The following SLC30A8 variants were observed in gnomAD, a reference collection of about 807,000 sequenced individuals.
SLC30A8 encodes the protein solute carrier family 30 member 8, also known as proton-coupled zinc antiporter SLC30A8.
In SLC30A8, 27 loss-of-function variants were observed where a neutral mutation model predicts 36.9. The ratio of observed to expected loss-of-function variants is 0.73; its 90% confidence interval spans 0.54 to 1.01. The LOEUF (loss-of-function observed/expected upper bound fraction) is 1.01, where lower values mean the gene tolerates loss of function less well. Ranked by LOEUF, SLC30A8 falls within the 50% of genes least tolerant of loss-of-function variation. SLC30A8 has a pLI of 0.00. For synonymous variants in SLC30A8, 164 were observed against 172.4 expected, an observed-to-expected ratio of 0.95 and a Z score of 0.38; for missense variants, 439 against 452.0, an observed-to-expected ratio of 0.97 and a Z score of 0.26.
At chr8:117,130,746 T>A (rs1251412910), upstream of SLC30A8, among the ~76,000 whole-genome samples, 1 of 152,008 alleles carries the variant, frequency 6.6e-6, no homozygotes, top group Non-Finnish European at 1.5e-5. Flanking sequence ...GCCATTGTTT[T>A]GGAGTTTGTA....
intron 1 of SLC30A8, among the ~76,000 whole-genome samples, chr8:117,138,516 A>G (rs1821476417): frequency 6.6e-6 from 1 of 151,948 alleles, no homozygotes; most frequent in African/African-American, 2.4e-5. Context: ...GTTAAAGATC[A>G]TAGTTCACCC....
chr8:116,961,760 A>AAG (rs145495135), intron 1 of SLC30A8, among the ~76,000 whole-genome samples: 1 of 151,928 alleles, frequency 6.6e-6, no homozygotes, highest in African/African-American at 2.4e-5. Flanking sequence ...GGAGAAGGGT[A>AAG]AGAGAGAGAG....
rs183088315 is a variant in SLC30A8 at position 117,038,015 on chromosome 8, C to T, written c.-265-1204C>T. On this transcript the variant is annotated intron_variant, in intron 1 of 10. Coordinates refer to the SLC30A8 transcript ENST00000427715. ...AAGTTAGAGAACACGCAGAGGAAAT[C>T]CAAATTAAGTTCTGGCTAGGGTAAT... is the stretch of plus-strand genomic sequence containing the variant. 2.2e-3 allele frequency among the ~76,000 whole-genome samples: 330 copies of T among 152,264 alleles called. 1 individual carries two copies. The highest frequency in any genetic ancestry group is 0.017 in the Middle Eastern group (5 of 294).
chr8:117,060,726 T>C (rs1818002722), intron 2 of SLC30A8, among the ~76,000 whole-genome samples: 1 of 152,202 alleles, frequency 6.6e-6, no homozygotes, highest in South Asian at 2.1e-4. Context: ...TTATCACATA[T>C]GTTTTCTAGC....
At chr8:117,166,766 A>AT (rs71305462) in intron 6 of SLC30A8, among the ~76,000 whole-genome samples, 5,028 of 128,582 alleles carry the variant, frequency 0.039, 169 homozygotes, top group South Asian at 0.075. Context: ...ACATTAGCTG[A>AT]TTTTTTTTTT....
intron 1 of SLC30A8, among the ~76,000 whole-genome samples, chr8:116,989,628 G>T (rs4269571): frequency 0.38 from 57,827 of 152,004 alleles, 12,006 homozygotes; most frequent in South Asian, 0.49. Flanking sequence ...AATCCTGAAA[G>T]AAAAGAAGTA....
rs1045448393 is a variant in SLC30A8, at chr8:117,014,915, G to A, written c.-265-24304G>A. 2.6e-5 allele frequency among the ~76,000 whole-genome samples: 4 copies of A among 152,088 alleles called. No individual in the cohort carries two copies. The East Asian group carries it at 7.7e-4, about 29-fold the overall frequency. ...AAAACCTTCTTCTCTGCTAATATCT[G>A]TTGTCTCAGTAATTGGCTTTGCGTG... On this transcript the variant is annotated intron_variant, in intron 1 of 10. Coordinates refer to the SLC30A8 transcript ENST00000427715.
intron 1 of SLC30A8, among the ~76,000 whole-genome samples, chr8:117,022,201 A>AG: frequency 2.6e-5 from 1 of 37,966 alleles, no homozygotes; most frequent in Non-Finnish European, 4.3e-5. Flanking sequence ...CTCCGTCTCA[A>AG]AAAAAAAAAA....
intron 2 of SLC30A8, among the ~76,000 whole-genome samples, chr8:117,043,006 A>G (rs756722262): frequency 3.9e-5 from 6 of 152,224 alleles, no homozygotes; most frequent in African/African-American, 7.2e-5. Context: ...GTCAATTTAC[A>G]GGGTTACTTA....
chr8:117,110,041 A>T (rs1457551800), intron 2 of SLC30A8, among the ~76,000 whole-genome samples: 1 of 152,200 alleles, frequency 6.6e-6, no homozygotes, highest in Non-Finnish European at 1.5e-5. Context: ...TTAATGAAGA[A>T]TTTCTGACTT....
At chr8:117,099,228 T>C (rs1586512356) in intron 2 of SLC30A8, among the ~76,000 whole-genome samples, 1 of 152,192 alleles carries the variant, frequency 6.6e-6, no homozygotes, top group South Asian at 2.1e-4. Context: ...CATTTGCACC[T>C]GCTGTTCCTT....
At chr8:117,070,250 T>C (rs913865742) in intron 2 of SLC30A8, among the ~76,000 whole-genome samples, 2 of 152,224 alleles carry the variant, frequency 1.3e-5, no homozygotes, top group Non-Finnish European at 1.5e-5. Context: ...GAGATTCCAC[T>C]GCTGGTTTTG....
intron 2 of SLC30A8, among the ~76,000 whole-genome samples, chr8:117,109,456 G>C (rs180815834): frequency 6.6e-6 from 1 of 152,262 alleles, no homozygotes; most frequent in Non-Finnish European, 1.5e-5. Context: ...TAGCCCTTGA[G>C]AAAATCTTCC....
intron 2 of SLC30A8, among the ~76,000 whole-genome samples, chr8:117,086,781 G>A (rs548311274): frequency 2.0e-5 from 3 of 152,222 alleles, no homozygotes; most frequent in East Asian, 3.9e-4. Context: ...CACATGACTA[G>A]GCTTAAAGTC....
intron 1 of SLC30A8, among the ~76,000 whole-genome samples, chr8:117,005,063 A>G (rs1167717966): frequency 6.6e-6 from 1 of 152,146 alleles, no homozygotes; most frequent in Admixed American, 6.5e-5. Flanking sequence ...TTTACTATTT[A>G]CACAGAGTTG....
chr8:116,994,295 T>C (rs1815743308), intron 1 of SLC30A8, among the ~76,000 whole-genome samples: 1 of 152,112 alleles, frequency 6.6e-6, no homozygotes, highest in African/African-American at 2.4e-5. Flanking sequence ...TACATTTTGC[T>C]ACTTCCAGAT....
At chr8:117,128,779 T>C (rs192529993) in intron 2 of SLC30A8, among the ~76,000 whole-genome samples, 4 of 152,126 alleles carry the variant, frequency 2.6e-5, no homozygotes, top group Admixed American at 1.3e-4. Context: ...TTTCCTTTAG[T>C]ATGAAGGAAA....
chr8:116,997,909 C>T (rs1815874876), intron 1 of SLC30A8, among the ~76,000 whole-genome samples: 2 of 152,124 alleles, frequency 1.3e-5, no homozygotes, highest in African/African-American at 4.8e-5. Context: ...AAAGATGAGA[C>T]AGGCACATGG....
intron 1 of SLC30A8, among the ~76,000 whole-genome samples, chr8:117,018,671 C>CT (rs1168960523): frequency 3.2e-5 from 4 of 124,360 alleles, no homozygotes; most frequent in Non-Finnish European, 6.8e-5. Context: ...TAGCCCCCCC[C>CT]CCCCTTTTTT....
Sources: gnomAD v4.1 joint callset for allele counts (sites outside exome capture counted in the v4.1 genomes callset) on GRCh38, gnomAD v4.1.1 for gene constraint, MANE v1.5 for transcripts, NCBI Gene and HGNC (gene_info 2026-07-23, HGNC 2026-07-21) for gene names.